LINGO1: variants seen among roughly 807,000 people sequenced by gnomAD.
LINGO1 encodes leucine rich repeat and Ig domain containing 1.
A neutral mutation model predicts 37.3 loss-of-function variants in LINGO1; 11 were observed. The ratio of observed to expected loss-of-function variants is 0.29; its 90% CI spans 0.19 to 0.49. The LOEUF (loss-of-function observed/expected upper bound fraction) is 0.49, where lower values mean the gene tolerates loss of function less well. Ranked by LOEUF, LINGO1 falls within the 20% of genes least tolerant of loss-of-function variation. LINGO1 has a pLI of 0.99. For missense variants in LINGO1, 585 were observed against 878.2 expected (o/e 0.67, Z 4.22); for synonymous variants, 387 against 403.0 (o/e 0.96, Z 0.48).
chr15:77,641,275 C>T (rs1232533018), intron 3 of LINGO1, among the ~76,000 whole-genome samples: 1 of 152,192 alleles, frequency 6.6e-6, no homozygotes, highest in African/African-American at 2.4e-5. Context: ...GGTCCCCATG[C>T]CATCTCAGCC....
At chr15:77,698,977 C>T (rs754715063), upstream of LINGO1, among the ~76,000 whole-genome samples, 8 of 152,102 alleles carry the variant, frequency 5.3e-5, no homozygotes, top group African/African-American at 9.7e-5. Context: ...TAGGAGGCTA[C>T]GGAGCCGAGA....
chr15:77,813,603 C>G (rs1347967571), intron 1 of LINGO1, among the ~76,000 whole-genome samples: 2 of 152,162 alleles, frequency 1.3e-5, no homozygotes, highest in Admixed American at 6.5e-5. Context: ...GCACCCAGAA[C>G]AGCCAGGCCC....
chr15:77,805,447 T>G lies in LINGO1; in HGVS notation c.-457-9394A>C, dbSNP rs2141470008. 3.3e-5 allele frequency among the ~76,000 whole-genome samples: 5 copies of G among 152,314 alleles called. 1 individual carries two copies. In the East Asian group the frequency reaches 9.6e-4, roughly 29 times the overall value. On this transcript the variant is annotated intron_variant, in intron 1 of 5. Coordinates refer to the LINGO1 transcript ENST00000562933. The stretch of plus-strand genomic sequence containing the variant: ...GATACCCCAGGTCCCCAGAGTCTGA[T>G]GCTTTGTGGGAGGCCTGCCCAGGTG...
At chr15:77,699,773 A>ACCTGCATACAG (rs2075756865), upstream of LINGO1, among the ~76,000 whole-genome samples, 6 of 149,762 alleles carry the variant, frequency 4.0e-5, no homozygotes, top group Admixed American at 1.3e-4. Context: ...ACTAACCATC[A>ACCTGCATACAG]TTCCCCCCCT....
intron 1 of LINGO1, among the ~76,000 whole-genome samples, chr15:77,631,380 A>G (rs2074248231): frequency 6.6e-6 from 1 of 151,172 alleles, no homozygotes; most frequent in Admixed American, 6.6e-5. Context: ...CCCCAACCCC[A>G]AGGCCTCTGA....
At chr15:77,819,354 C>T (rs1036703230) in intron 1 of LINGO1, 2 of 151,346 alleles carry the variant, frequency 1.3e-5, no homozygotes, top group African/African-American at 4.8e-5. Context: ...GCTCCGGCCT[C>T]GGTTCCCGCT....
intron 1 of LINGO1, among the ~76,000 whole-genome samples, chr15:77,750,949 G>A (rs540593917): frequency 6.6e-6 from 1 of 152,328 alleles, no homozygotes; most frequent in East Asian, 1.9e-4. Flanking sequence ...CCAGTCCAGT[G>A]GGAAAGATGC....
chr15:77,765,733 C>A (rs1031398883), intron 1 of LINGO1, among the ~76,000 whole-genome samples: 1 of 152,094 alleles, frequency 6.6e-6, no homozygotes, highest in East Asian at 1.9e-4. Flanking sequence ...TGAGTTTGTA[C>A]GCTGAATTTC....
At chr15:77,697,327 C>A (rs12907043), upstream of LINGO1, among the ~76,000 whole-genome samples, 13 of 152,268 alleles carry the variant, frequency 8.5e-5, no homozygotes, top group Non-Finnish European at 1.8e-4. Context: ...CCTATGCCAC[C>A]CTCAACCTGT....
At chr15:77,774,937 G>A (rs114500292) in intron 1 of LINGO1, among the ~76,000 whole-genome samples, 97 of 152,252 alleles carry the variant, frequency 6.4e-4, no homozygotes, top group African/African-American at 2.2e-3. Flanking sequence ...ATCCTGCCCC[G>A]GAGAGGCCAA....
chr15:77,687,311 T>C (rs2075528579), intron 2 of LINGO1, among the ~76,000 whole-genome samples: 1 of 152,050 alleles, frequency 6.6e-6, no homozygotes, highest in Non-Finnish European at 1.5e-5. Flanking sequence ...GTTCAATCTG[T>C]CCAGGACCAG....
chr15:77,711,366 T>C (rs1481807843), intron 2 of LINGO1, among the ~76,000 whole-genome samples: 1 of 152,240 alleles, frequency 6.6e-6, no homozygotes, highest in Non-Finnish European at 1.5e-5. Context: ...CATTGAAGAC[T>C]GGCCGATAAC....
chr15:77,747,973 T>A (rs566120866), intron 1 of LINGO1, among the ~76,000 whole-genome samples: 14 of 152,242 alleles, frequency 9.2e-5, no homozygotes, highest in Admixed American at 7.8e-4. Flanking sequence ...AGGGGTCAGG[T>A]GGTTGGCCAA....
At chr15:77,736,044 T>A (rs564234903) in intron 1 of LINGO1, among the ~76,000 whole-genome samples, 8 of 152,340 alleles carry the variant, frequency 5.3e-5, no homozygotes, top group African/African-American at 1.7e-4. Flanking sequence ...AAATAACACA[T>A]GAAAGCATTC....
At chr15:77,708,746 A>C (rs1034498849) in intron 2 of LINGO1, among the ~76,000 whole-genome samples, 1 of 152,148 alleles carries the variant, frequency 6.6e-6, no homozygotes, top group African/African-American at 2.4e-5. Flanking sequence ...AACCGTCTCC[A>C]ATACAAAAAT....
intron 2 of LINGO1, among the ~76,000 whole-genome samples, chr15:77,724,476 C>G (rs1231684405): frequency 3.9e-5 from 6 of 152,224 alleles, no homozygotes; most frequent in Admixed American, 1.3e-4. Context: ...ATTCCCCCAG[C>G]TGCGCCCGTC....
At chr15:77,754,545 C>T (rs182784981) in intron 1 of LINGO1, among the ~76,000 whole-genome samples, 2 of 152,368 alleles carry the variant, frequency 1.3e-5, no homozygotes, top group African/African-American at 4.8e-5. Context: ...TAGGCACACC[C>T]GCCTCCCAGG....
At chr15:77,672,212 C>T (rs1055541538) in intron 3 of LINGO1, among the ~76,000 whole-genome samples, 3 of 151,208 alleles carry the variant, frequency 2.0e-5, no homozygotes, top group Admixed American at 2.0e-4. Flanking sequence ...TCAGTGCCGC[C>T]TCCCTCTCAA....
upstream of LINGO1, among the ~76,000 whole-genome samples, chr15:77,633,663 T>TTTTGC (rs1291617488): frequency 6.6e-6 from 1 of 152,184 alleles, no homozygotes; most frequent in Non-Finnish European, 1.5e-5. Flanking sequence ...CTGCACCCAG[T>TTTTGC]GGCCAGCAGA....
Sources: allele counts gnomAD v4.1 joint callset (sites outside exome capture counted in the v4.1 genomes callset), GRCh38; gene constraint gnomAD v4.1.1; transcripts MANE v1.5; gene names NCBI Gene and HGNC (gene_info 2026-07-23, HGNC 2026-07-21).